The following EIF4B variants were observed in gnomAD, a reference collection of about 807,000 sequenced individuals.
EIF4B encodes eukaryotic translation initiation factor 4B.
A neutral mutation model predicts 79.3 loss-of-function variants in EIF4B; 8 were observed. That is an observed-to-expected ratio of 0.10 (90% confidence interval 0.06 to 0.18). The LOEUF is 0.18. Ranked by LOEUF, EIF4B falls within the 10% of genes least tolerant of loss-of-function variation. The pLI, the probability that EIF4B is intolerant of heterozygous loss-of-function variation, is 1.00. For synonymous variants in EIF4B, 238 were observed against 274.7 expected, an observed-to-expected ratio of 0.87 and a Z score of 1.32; for missense variants, 515 against 792.4, an observed-to-expected ratio of 0.65 and a Z score of 4.20.
chr12:53,041,646 T>C lies in EIF4B; in HGVS notation c.*1423T>C, dbSNP rs1592232063. On this transcript the variant is annotated 3_prime_UTR_variant, in exon 15 of 15. Coordinates refer to ENST00000262056, the MANE Select transcript of EIF4B (RefSeq NM_001417.7). ...TTGTAGGGATCAGCTTGGTAGACAG[T>C]ATTAGCGGAGAAACACCTTGATCTT... 1 of 152,218 alleles carries C rather than the reference T, an allele frequency of 6.6e-6. No homozygotes were observed. The highest frequency in any genetic ancestry group is 1.9e-4 in the East Asian group (1 of 5,202). 9.4% of individuals were successfully genotyped at this position (152,218 alleles called of 1,614,324 possible). A position where few individuals can be genotyped will look rare whatever the true frequency, so the allele number is the denominator to read the frequency against.
chr12:53,028,373 C>T (rs1343084403), intron 8 of EIF4B, among the ~76,000 whole-genome samples, 185 bp downstream of exon 8: 7 of 151,912 alleles, frequency 4.6e-5, no homozygotes, highest in East Asian at 1.9e-4. Flanking sequence ...GTCAGGAGAT[C>T]GAGACCATCC....
In EIF4B at chr12:53,021,984, A is replaced by G. The variant is rs550067584; in HGVS notation, c.532+124A>G. On this transcript the variant is annotated intron_variant, in intron 5 of 14. Transcript: ENST00000262056. ...CCTGAATCTACAGTAACAGTTTTCA[A>G]TCAGTTTTGCCCCACAGGGGACTTC... is the stretch of plus-strand genomic sequence containing the variant. The G allele has an allele frequency of 4.1e-4, 499 of 1,208,578 alleles. 3 individuals are homozygous for G. In the South Asian group the frequency reaches 4.9e-3, roughly 12 times the overall value. The allele number at this position is 1,208,578 out of a possible 1,614,324, so 74.9% of individuals were successfully genotyped here.
chr12:53,029,954 G>C (rs900537435), intron 8 of EIF4B, among the ~76,000 whole-genome samples: 2 of 151,962 alleles, frequency 1.3e-5, no homozygotes, highest in African/African-American at 4.8e-5. Context: ...AGCCATGGTG[G>C]CTCACATTTG....
At chr12:53,010,801 G>T (rs1054438164) in intron 1 of EIF4B, among the ~76,000 whole-genome samples, 3 of 151,972 alleles carry the variant, frequency 2.0e-5, no homozygotes, top group African/African-American at 7.3e-5. Context: ...TCGAGCTCCC[G>T]ACCTCAGGTG....
intron 10 of EIF4B, among the ~76,000 whole-genome samples, chr12:53,036,547 G>A (rs551135410): frequency 1.3e-5 from 2 of 151,358 alleles, no homozygotes; most frequent in South Asian, 4.2e-4. Flanking sequence ...GCTGTTATAC[G>A]ACGGGTGCAC....
chr12:53,028,224 AAACT>A, intron 8 of EIF4B, 36 bp downstream of exon 8: 1 of 1,530,982 alleles, frequency 6.5e-7, no homozygotes, highest in Non-Finnish European at 8.7e-7. Flanking sequence ...CATGGAGCAG[AAACT>A]GGGAAAACTA....
intron 8 of EIF4B, among the ~76,000 whole-genome samples, chr12:53,032,708 C>T: frequency 7.1e-6 from 1 of 140,754 alleles, no homozygotes; most frequent in South Asian, 2.2e-4. Flanking sequence ...GCACTTGTTG[C>T]CCAGTTTGGA....
At chr12:53,025,622 AC>A (rs1943320610) in intron 6 of EIF4B, among the ~76,000 whole-genome samples, 1 of 152,204 alleles carries the variant, frequency 6.6e-6, no homozygotes, top group African/African-American at 2.4e-5. Flanking sequence ...AATTAAAACC[AC>A]ATTTCAAAAT....
At chr12:53,030,642 C>A (rs1012202767) in intron 8 of EIF4B, among the ~76,000 whole-genome samples, 1 of 151,612 alleles carries the variant, frequency 6.6e-6, no homozygotes, top group Non-Finnish European at 1.5e-5. Context: ...GATCTCTTGA[C>A]CTTGTGATTC....
At chr12:53,026,357 T>G (rs553934991) in intron 6 of EIF4B, among the ~76,000 whole-genome samples, 46 of 152,310 alleles carry the variant, frequency 3.0e-4, no homozygotes, top group Non-Finnish European at 5.7e-4. Context: ...CTACTACGTT[T>G]CTTTATACAG....
rs778086137 is a variant in EIF4B at position 53,019,874 on chromosome 12, G to A, written c.361-36G>A. ...CAAAAAATGACAAATGAAGAAGAAT[G>A]CTGGGAAACTTTGTTGTTGATTCTT... On this transcript the variant is annotated intron_variant, in intron 3 of 14. Coordinates refer to ENST00000262056, the MANE Select transcript of EIF4B (RefSeq NM_001417.7). The A allele has an allele frequency of 2.1e-5, 33 of 1,588,890 alleles. No individual in the cohort carries two copies. The Admixed American group carries it at 2.6e-4, about 13-fold the overall frequency.
chr12:53,018,082 C>T (rs1943176585), intron 2 of EIF4B, among the ~76,000 whole-genome samples: 1 of 152,174 alleles, frequency 6.6e-6, no homozygotes, highest in African/African-American at 2.4e-5. Context: ...ACTGCCGCCT[C>T]CCGGTTCAAT....
intron 8 of EIF4B, among the ~76,000 whole-genome samples, chr12:53,030,052 T>C (rs1943407824): frequency 1.7e-5 from 1 of 58,154 alleles, no homozygotes; most frequent in South Asian, 6.8e-4. Context: ...TGAGACCCCA[T>C]CTCTGCAAAA....
intron 10 of EIF4B, among the ~76,000 whole-genome samples, chr12:53,035,727 C>T (rs1943529636): frequency 6.6e-6 from 1 of 152,114 alleles, no homozygotes; most frequent in Admixed American, 6.6e-5. Context: ...TGGTCTCAGC[C>T]TCATAAAGTG....
In EIF4B at chr12:53,036,025, C is replaced by G. The variant is rs533859042; in HGVS notation, c.1306+1316C>G. ...GGTCTCAAACTCCTAACCTCATGAT[C>G]CACCCGTCTCGGCCTCCCAAAGTGC... On this transcript the variant is annotated intron_variant, in intron 10 of 14. Coordinates refer to ENST00000262056, the MANE Select transcript of EIF4B (RefSeq NM_001417.7). Among the ~76,000 whole-genome samples, 36 of 87,094 alleles carry G rather than the reference C, an allele frequency of 4.1e-4. No homozygotes were observed. In the East Asian group the frequency reaches 0.011, roughly 28 times the overall value. The allele number at this position is 87,094 out of a possible 152,430, so 57.1% of individuals were successfully genotyped here. A position where few individuals can be genotyped will look rare whatever the true frequency, so the allele number is the denominator to read the frequency against.
chr12:53,010,352 A>G (rs1002114673), intron 1 of EIF4B, among the ~76,000 whole-genome samples: 2 of 152,214 alleles, frequency 1.3e-5, no homozygotes, highest in African/African-American at 4.8e-5. Context: ...GGTGGCTTGC[A>G]CTGGGATCTT....
At chr12:53,011,108 A>T (rs1943056986) in intron 1 of EIF4B, among the ~76,000 whole-genome samples, 1 of 152,096 alleles carries the variant, frequency 6.6e-6, no homozygotes, top group Admixed American at 6.6e-5. Context: ...TACAAAAAAA[A>T]TTTTAAAAAT....
At chr12:53,026,060 A>G (rs1021718896) in intron 6 of EIF4B, among the ~76,000 whole-genome samples, 1 of 152,088 alleles carries the variant, frequency 6.6e-6, no homozygotes, top group Admixed American at 6.6e-5. Context: ...CGATTGTGCC[A>G]CTGCACTCCA....
chr12:53,019,106 A>C, intron 3 of EIF4B, 100 bp downstream of exon 3: 1 of 1,378,298 alleles, frequency 7.3e-7, no homozygotes, highest in Non-Finnish European at 1.0e-6. Context: ...ACAACTAGAA[A>C]TATAATTTAA....
Sources: gnomAD v4.1 joint callset for allele counts (sites outside exome capture counted in the v4.1 genomes callset) on GRCh38, gnomAD v4.1.1 for gene constraint, MANE v1.5 for transcripts, NCBI Gene and HGNC (gene_info 2026-07-23, HGNC 2026-07-21) for gene names.